The following KAZN variants were observed in gnomAD, a reference collection of about 807,000 sequenced individuals.
The protein encoded by KAZN is kazrin.
KAZN carries 40 observed loss-of-function variants against 87.4 expected under a neutral mutation model. The observed-to-expected ratio is 0.46, with a 90% CI of 0.36 to 0.60. The LOEUF is 0.60. Ranked by LOEUF, KAZN falls within the 20% of genes least tolerant of loss-of-function variation. The probability of loss-of-function intolerance (pLI) is 0.00; values close to 1 mark genes in which losing one functional copy is unlikely to be tolerated. For missense variants in KAZN, 898 were observed against 1,073.9 expected (o/e 0.84, Z 2.29); for synonymous variants, 466 against 458.3 (o/e 1.02, Z -0.22).
At chr1:14,910,560 G>A (rs538055303) in intron 1 of KAZN, among the ~76,000 whole-genome samples, 126 of 152,286 alleles carry the variant, frequency 8.3e-4, no homozygotes, top group African/African-American at 2.9e-3. Context: ...TCCTAGGTGT[G>A]GGGGGCAAAA....
chr1:14,121,400 G>A (rs532210776), intron 1 of KAZN, among the ~76,000 whole-genome samples: 17 of 152,252 alleles, frequency 1.1e-4, no homozygotes, highest in East Asian at 5.8e-4. Flanking sequence ...GCAGTGGGGC[G>A]GCGGGGGTGT....
intron 1 of KAZN, among the ~76,000 whole-genome samples, chr1:14,806,353 G>A (rs765780008): frequency 7.9e-5 from 12 of 152,192 alleles, no homozygotes; most frequent in South Asian, 2.1e-4. Context: ...ATGGCCTGCC[G>A]TGTTCATTTT....
intron 1 of KAZN, among the ~76,000 whole-genome samples, chr1:14,737,085 G>C (rs1643931313): frequency 6.6e-6 from 1 of 152,300 alleles, no homozygotes; most frequent in Non-Finnish European, 1.5e-5. Flanking sequence ...GCTGCTGGGA[G>C]CAAATGTGAC....
At chr1:14,338,488 GAAAAAAA>G (rs543667115) in intron 2 of KAZN, among the ~76,000 whole-genome samples, 6 of 81,598 alleles carry the variant, frequency 7.4e-5, no homozygotes, top group Non-Finnish European at 1.2e-4. Context: ...CCATCTTAGA[GAAAAAAA>G]AAAAAAAAAA....
At chr1:14,668,220 G>A (rs1639697238) in intron 1 of KAZN, among the ~76,000 whole-genome samples, 1 of 152,100 alleles carries the variant, frequency 6.6e-6, no homozygotes, top group African/African-American at 2.4e-5. Flanking sequence ...CAAATAGAAG[G>A]CCCTTGAATC....
chr1:13,903,015 TG>T (rs1639304943), intron 1 of KAZN, among the ~76,000 whole-genome samples: 1 of 152,168 alleles, frequency 6.6e-6, no homozygotes, highest in Non-Finnish European at 1.5e-5. Flanking sequence ...GCAAATGAGG[TG>T]GGTTTCCACA....
At chr1:13,975,395 A>T (rs537095073) in intron 1 of KAZN, among the ~76,000 whole-genome samples, 4 of 152,290 alleles carry the variant, frequency 2.6e-5, no homozygotes, top group Middle Eastern at 6.8e-3. Flanking sequence ...GGAGCTTCAG[A>T]TATCAGTGGG....
At chr1:14,252,460 C>G (rs1483625622) in intron 2 of KAZN, among the ~76,000 whole-genome samples, 2 of 152,168 alleles carry the variant, frequency 1.3e-5, no homozygotes, top group Non-Finnish European at 2.9e-5. Flanking sequence ...GGCTTCCTGT[C>G]TGTTTCTCAA....
chr1:14,647,305 C>T (rs2038164), intron 1 of KAZN, among the ~76,000 whole-genome samples: 25,972 of 152,192 alleles, frequency 0.17, 2,456 homozygotes, highest in South Asian at 0.26. Flanking sequence ...CCTTCCATCA[C>T]GCTAGACCAC....
intron 1 of KAZN, among the ~76,000 whole-genome samples, chr1:14,956,269 T>C (rs10927597): frequency 0.17 from 23,780 of 142,954 alleles, 6,144 homozygotes; most frequent in African/African-American, 0.57. Context: ...GTGGCTTCCT[T>C]GGGTGGTTGG....
At chr1:15,051,834 A>G (rs1674441395) in intron 4 of KAZN, among the ~76,000 whole-genome samples, 1 of 152,196 alleles carries the variant, frequency 6.6e-6, no homozygotes, top group East Asian at 1.9e-4. Context: ...ATATTGTGGG[A>G]CCTTGAAGTT....
At chr1:15,007,359 A>T (rs1173264359) in intron 2 of KAZN, among the ~76,000 whole-genome samples, 1 of 152,326 alleles carries the variant, frequency 6.6e-6, no homozygotes, top group Middle Eastern at 3.4e-3. Flanking sequence ...GGGCACTCCA[A>T]ATCTGGCGAG....
rs182874138 is a variant in KAZN, at chr1:14,248,030, C to T, written c.249+67438C>T. 5.3e-5 allele frequency among the ~76,000 whole-genome samples: 8 copies of T among 152,308 alleles called. No individual in the cohort carries two copies. The East Asian group carries it at 1.5e-3, about 29-fold the overall frequency. ...GCAGGTGTAAAACGCCACTCTCAAT[C>T]TATTGTGTTTTCTTCCCAGGTCTAA... On this transcript the variant is annotated intron_variant, in intron 2 of 16. Coordinates refer to the KAZN transcript ENST00000636203.
intron 8 of KAZN, among the ~76,000 whole-genome samples, chr1:15,072,680 T>C (rs747237012): frequency 6.6e-6 from 1 of 152,194 alleles, no homozygotes; most frequent in Non-Finnish European, 1.5e-5. Context: ...AGTTTACAGA[T>C]GAACAAACCA....
chr1:14,677,669 A>G (rs1231252158), intron 1 of KAZN, among the ~76,000 whole-genome samples: 2 of 152,144 alleles, frequency 1.3e-5, no homozygotes, highest in Non-Finnish European at 2.9e-5. Context: ...TGTGGAGAGG[A>G]GGACACTTCC....
At chr1:14,402,107 A>G (rs1663463151) in intron 2 of KAZN, among the ~76,000 whole-genome samples, 1 of 151,826 alleles carries the variant, frequency 6.6e-6, no homozygotes, top group African/African-American at 2.4e-5. Flanking sequence ...AAAAGAGAAC[A>G]TATATATTTT....
At chr1:15,033,963 C>T (rs1671990661) in intron 2 of KAZN, among the ~76,000 whole-genome samples, 1 of 152,190 alleles carries the variant, frequency 6.6e-6, no homozygotes, top group Non-Finnish European at 1.5e-5. Flanking sequence ...TGGTCTCAAG[C>T]TCCTGATCTC....
At chr1:14,907,238 A>C (rs1350377433) in intron 1 of KAZN, among the ~76,000 whole-genome samples, 2 of 151,728 alleles carry the variant, frequency 1.3e-5, no homozygotes, top group Non-Finnish European at 2.9e-5. Context: ...TCTACCAAAA[A>C]AAATACAAAA....
At chr1:14,973,320 A>G (rs1665272358) in intron 2 of KAZN, among the ~76,000 whole-genome samples, 1 of 152,230 alleles carries the variant, frequency 6.6e-6, no homozygotes, top group Non-Finnish European at 1.5e-5. Flanking sequence ...AACGCTCAAA[A>G]TCCTAAGGAA....
Sources: allele counts gnomAD v4.1 joint callset (sites outside exome capture counted in the v4.1 genomes callset), GRCh38; gene constraint gnomAD v4.1.1; transcripts MANE v1.5; gene names NCBI Gene and HGNC (gene_info 2026-07-23, HGNC 2026-07-21).